STPG2: variants seen among roughly 807,000 people sequenced by gnomAD.
STPG2 encodes the protein sperm-tail PG-rich repeat-containing protein 2.
In STPG2, 56 loss-of-function variants were observed where a neutral mutation model predicts 54.2. That is an observed-to-expected ratio of 1.03 (90% CI 0.83 to 1.29). STPG2 has a LOEUF of 1.29. STPG2 is among the 50% of genes most tolerant of loss of function. The pLI, the probability that STPG2 is intolerant of heterozygous loss-of-function variation, is 0.00. For missense variants in STPG2, 596 were observed against 544.9 expected (o/e 1.09, Z -0.93); for synonymous variants, 200 against 181.8 (o/e 1.10, Z -0.81).
chr4:97,549,795 C>T (rs1321233409), intron 4 of STPG2, among the ~76,000 whole-genome samples: 1 of 152,108 alleles, frequency 6.6e-6, no homozygotes. Flanking sequence ...GACAGAGCTC[C>T]TCTAGAGCAC....
intron 8 of STPG2, 103 bp from the exon 9 acceptor site, chr4:97,841,035 TAA>T: frequency 9.3e-7 from 1 of 1,075,796 alleles, no homozygotes; most frequent in African/African-American, 1.7e-5. Context: ...AGAAAAATCC[TAA>T]TACTTTTATT....
At chr4:97,483,777 T>C (rs564571120) in intron 4 of STPG2, among the ~76,000 whole-genome samples, 2 of 151,930 alleles carry the variant, frequency 1.3e-5, no homozygotes, top group Non-Finnish European at 2.9e-5. Context: ...TACACATTTG[T>C]ATTCAAGAGC....
intron 8 of STPG2, among the ~76,000 whole-genome samples, chr4:97,915,252 AAAGAG>A (rs1217132162): frequency 6.6e-6 from 1 of 152,174 alleles, no homozygotes; most frequent in Non-Finnish European, 1.5e-5. Flanking sequence ...TACACTGGGA[AAAGAG>A]AAGAAAAGGA....
At chr4:97,686,867 C>T (rs982653207) in intron 10 of STPG2, among the ~76,000 whole-genome samples, 8 of 151,416 alleles carry the variant, frequency 5.3e-5, no homozygotes, top group Non-Finnish European at 1.0e-4. Context: ...ATTTCCCAAG[C>T]GTAAATTTTC....
At chr4:97,633,848 C>T (rs866525773) in intron 10 of STPG2, 50 of 155,944 alleles carry the variant, frequency 3.2e-4, no homozygotes, top group Middle Eastern at 3.1e-3. Context: ...TCCTACCCCA[C>T]GGAGTCTCGC....
At chr4:97,853,952 G>A (rs1464235378) in intron 8 of STPG2, among the ~76,000 whole-genome samples, 1 of 151,966 alleles carries the variant, frequency 6.6e-6, no homozygotes, top group Non-Finnish European at 1.5e-5. Context: ...TAACTAATTT[G>A]GGGCTTTTTG....
At chr4:97,967,638 C>T (rs144419677) in intron 7 of STPG2, among the ~76,000 whole-genome samples, 296 of 152,244 alleles carry the variant, frequency 1.9e-3, no homozygotes, top group African/African-American at 7.0e-3. Flanking sequence ...TGCAAAAGAA[C>T]AGAAATCACA....
At chr4:97,441,680 A>G (rs1436095664) in intron 4 of STPG2, 1 of 151,980 alleles carries the variant, frequency 6.6e-6, no homozygotes, top group Non-Finnish European at 1.5e-5. Flanking sequence ...CTTTTTTTCT[A>G]ACCAAATTAA....
At chr4:97,754,121 TA>T (rs1305259864) in intron 9 of STPG2, among the ~76,000 whole-genome samples, 1 of 152,086 alleles carries the variant, frequency 6.6e-6, no homozygotes, top group African/African-American at 2.4e-5. Flanking sequence ...GAATAAACTT[TA>T]TAGGAGGCCA....
At chr4:97,964,458 T>C (rs556528480) in intron 7 of STPG2, among the ~76,000 whole-genome samples, 52 of 152,184 alleles carry the variant, frequency 3.4e-4, no homozygotes, top group Admixed American at 2.2e-3. Flanking sequence ...GAATTGTCTC[T>C]TAATGATAAA....
Position 98,106,048 on chromosome 4 carries a change from A to C in STPG2, c.517T>G (p.Tyr173Asp), listed in dbSNP as rs1282506459. 1 of 1,480,086 alleles carries C rather than the reference A, an allele frequency of 6.8e-7. No homozygotes were observed. The highest frequency in any genetic ancestry group is 9.2e-7 in the Non-Finnish European group (1 of 1,084,778). The allele number at this position is 1,480,086 out of a possible 1,614,324, so 91.7% of individuals were successfully genotyped here. A position where few individuals can be genotyped will look rare whatever the true frequency, so the allele number is the denominator to read the frequency against. Residue 173 changes from tyrosine (Y) to aspartate (D), a missense_variant, in exon 5 of 11, where the codon TAT becomes GAT. Tyr to Asp is a radical substitution (Grantham distance 160). Coordinates refer to ENST00000295268, the MANE Select transcript of STPG2 (RefSeq NM_174952.3). The part of the protein sequence containing the change: ...YDIVQKKTSY[Y>D]ENVNIKRDQQ... ...TCTCTCTTGATGTTAACATTTTCATAATATGATGTCTTTTTCCTTCAGAAA... is the reference window on the plus strand; with the variant it reads ...TCTCTCTTGATGTTAACATTTTCATCATATGATGTCTTTTTCCTTCAGAAA...
chr4:97,485,048 G>A (rs185771243), intron 4 of STPG2, among the ~76,000 whole-genome samples: 268 of 151,674 alleles, frequency 1.8e-3, no homozygotes, highest in African/African-American at 6.3e-3. Context: ...GCATACAAGG[G>A]ACATACCTCA....
chr4:97,882,500 A>T (rs1051499141), intron 8 of STPG2, among the ~76,000 whole-genome samples: 21 of 152,180 alleles, frequency 1.4e-4, no homozygotes, highest in Admixed American at 6.5e-4. Context: ...AGTTCAAAAC[A>T]ACTGTGAAAG....
chr4:97,872,372 C>T (rs1730021554), intron 8 of STPG2, among the ~76,000 whole-genome samples: 1 of 151,106 alleles, frequency 6.6e-6, no homozygotes, highest in African/African-American at 2.4e-5. Context: ...TATAATAGCA[C>T]ATCTGGAAAA....
At chr4:97,894,121 G>A (rs1730871244) in intron 8 of STPG2, among the ~76,000 whole-genome samples, 1 of 151,964 alleles carries the variant, frequency 6.6e-6, no homozygotes, top group Non-Finnish European at 1.5e-5. Context: ...TTGGCCTTAT[G>A]TAACTATGAA....
intron 7 of STPG2, among the ~76,000 whole-genome samples, chr4:97,944,513 AGTAAT>A (rs969561080): frequency 1.3e-5 from 2 of 152,102 alleles, no homozygotes; most frequent in African/African-American, 2.4e-5. Context: ...AGAGGAATCT[AGTAAT>A]GTAATATTTC....
chr4:97,765,577 C>A (rs1285970517), intron 9 of STPG2, among the ~76,000 whole-genome samples: 1 of 152,134 alleles, frequency 6.6e-6, no homozygotes. Context: ...CTCCTTCCAA[C>A]TGAGTCCTAA....
chr4:97,583,927 T>A (rs530778157), intron 10 of STPG2, among the ~76,000 whole-genome samples: 23 of 151,844 alleles, frequency 1.5e-4, no homozygotes, highest in Admixed American at 5.9e-4. Context: ...ACAATAGTAG[T>A]GGGGGGCTTC....
chr4:97,949,053 T>C (rs1231809691), intron 7 of STPG2, among the ~76,000 whole-genome samples: 7 of 152,110 alleles, frequency 4.6e-5, no homozygotes, highest in Non-Finnish European at 1.5e-5. Context: ...ATCTCCTCTC[T>C]TAAGTCAAGT....
Sources: allele counts gnomAD v4.1 joint callset (sites outside exome capture counted in the v4.1 genomes callset), GRCh38; gene constraint gnomAD v4.1.1; transcripts MANE v1.5; gene names NCBI Gene and HGNC (gene_info 2026-07-23, HGNC 2026-07-21).